ZNF423: variants seen among roughly 807,000 people sequenced by gnomAD.
ZNF423 encodes the protein zinc finger protein 423.
In ZNF423, 12 loss-of-function variants were observed where a neutral mutation model predicts 95.8. The ratio of observed to expected loss-of-function variants is 0.13; its 90% CI spans 0.08 to 0.20. The LOEUF is 0.20. ZNF423 is among the 10% of genes least tolerant of loss of function. ZNF423 has a pLI of 1.00. For synonymous variants in ZNF423, 749 were observed against 711.9 expected, an observed-to-expected ratio of 1.05 and a Z score of -0.83; for missense variants, 1,316 against 1,737.1, an observed-to-expected ratio of 0.76 and a Z score of 4.31.
intron 3 of ZNF423, 109 bp downstream of exon 3, chr16:49,730,662 T>C (rs1300656646): frequency 1.7e-6 from 2 of 1,189,976 alleles, no homozygotes; most frequent in Non-Finnish European, 2.4e-6. Flanking sequence ...TGACATTAAC[T>C]GTAAAATTAC....
intron 3 of ZNF423, among the ~76,000 whole-genome samples, chr16:49,725,748 A>G (rs1297022076): frequency 6.6e-6 from 1 of 152,162 alleles, no homozygotes; most frequent in Non-Finnish European, 1.5e-5. Context: ...GAATATCAGG[A>G]CTACAGCCTT....
chr16:49,622,537 T>C (rs1972118247), intron 5 of ZNF423, among the ~76,000 whole-genome samples: 1 of 152,108 alleles, frequency 6.6e-6, no homozygotes, highest in Admixed American at 6.5e-5. Flanking sequence ...GAAGGCAACG[T>C]CCCCCCTCTT....
At chr16:49,758,666 T>C (rs7206711) in intron 2 of ZNF423, among the ~76,000 whole-genome samples, 107,527 of 152,008 alleles carry the variant, frequency 0.71, 38,927 homozygotes, top group African/African-American at 0.86. Flanking sequence ...CGCTTGAGTC[T>C]AGGAGTTTGA....
chr16:49,676,395 C>T (rs2031050409), intron 3 of ZNF423, among the ~76,000 whole-genome samples: 1 of 152,208 alleles, frequency 6.6e-6, no homozygotes, highest in Non-Finnish European at 1.5e-5. Context: ...AAATCAGTCA[C>T]CTTTAATGGG....
At chr16:49,769,379 G>GAAAAAT (rs1048141775) in intron 2 of ZNF423, among the ~76,000 whole-genome samples, 2 of 150,394 alleles carry the variant, frequency 1.3e-5, no homozygotes, top group African/African-American at 4.9e-5. Context: ...AAAAAGAAAA[G>GAAAAAT]AAAAAGAAAG....
chr16:49,853,766 G>A (rs2035327260), intron 1 of ZNF423: 1 of 985,248 alleles, frequency 1.0e-6, no homozygotes, highest in Non-Finnish European at 1.2e-6. Flanking sequence ...TTAGAACTCG[G>A]TTCAAGCAAC....
chr16:49,496,969 A>G (rs761165833), intron 7 of ZNF423, among the ~76,000 whole-genome samples: 25 of 152,130 alleles, frequency 1.6e-4, no homozygotes, highest in Non-Finnish European at 3.7e-4. Flanking sequence ...AGGGCTGGCA[A>G]GGTCTTAAGA....
intron 6 of ZNF423, among the ~76,000 whole-genome samples, chr16:49,524,768 C>T (rs1361187565): frequency 2.0e-5 from 3 of 152,226 alleles, no homozygotes; most frequent in African/African-American, 4.8e-5. Context: ...GAAGGCCAGG[C>T]TCTCCCACGC....
Position 49,590,029 on chromosome 16 carries a change from A to AATATAT in ZNF423, c.3601+36135_3601+36140dup, listed in dbSNP as rs201361462. 7.6e-3 allele frequency among the ~76,000 whole-genome samples: 744 copies of AATATAT among 97,550 alleles called. 98 individuals carry two copies. In the East Asian group the frequency reaches 0.08, roughly 11 times the overall value. The allele number at this position is 97,550 out of a possible 152,430, so 64.0% of individuals were successfully genotyped here. A position where few individuals can be genotyped will look rare whatever the true frequency, so the allele number is the denominator to read the frequency against. Reference sequence around the variant, plus strand: ...GGGATGGGGTAAAGGGGAAGTGGCGAATATATATATATATATATATATTTG... The same window carrying AATATAT: ...GGGATGGGGTAAAGGGGAAGTGGCGAATATATATATATATATATATATATATATTTG... On this transcript the variant is annotated intron_variant, in intron 5 of 7. Coordinates refer to ENST00000563137, the MANE Select transcript of ZNF423 (RefSeq NM_001379286.1).
rs191224782 is a variant in ZNF423 at position 49,834,087 on chromosome 16, G to A, written c.40+21648C>T. Among the ~76,000 whole-genome samples the A allele has an allele frequency of 3.8e-4, 58 of 152,330 alleles. No homozygotes were observed. In the East Asian group the frequency reaches 6.2e-3, roughly 16 times the overall value. On this transcript the variant is annotated intron_variant, in intron 1 of 7. Coordinates refer to ENST00000563137, the MANE Select transcript of ZNF423 (RefSeq NM_001379286.1). ...ATCCCAAGTCCTCAGTGGGCTGGGCGGTTGTCCCTGAAGAGTTAACAGCCC... is the reference window on the plus strand; with the variant it reads ...ATCCCAAGTCCTCAGTGGGCTGGGCAGTTGTCCCTGAAGAGTTAACAGCCC...
At chr16:49,707,186 T>C (rs548882264) in intron 3 of ZNF423, among the ~76,000 whole-genome samples, 2 of 152,108 alleles carry the variant, frequency 1.3e-5, no homozygotes, top group Non-Finnish European at 2.9e-5. Context: ...CGACGCCCTG[T>C]GTCACCTCTG....
In ZNF423 at chr16:49,643,742, G is replaced by A. The variant is rs541437466; in HGVS notation, c.302-4868C>T. ...AAGTCATTTAAAAATGACTAATCCT[G>A]CAAAAAGGCCAAATAGGAAATGGGT... On this transcript the variant is annotated intron_variant, in intron 3 of 7. Transcript: ENST00000563137. Among the ~76,000 whole-genome samples the A allele has an allele frequency of 4.6e-5, 7 of 152,222 alleles. No individual in the cohort carries two copies. In the East Asian group the frequency reaches 1.4e-3, roughly 29 times the overall value.
chr16:49,742,869 G>C (rs1194042370), intron 2 of ZNF423, among the ~76,000 whole-genome samples: 1 of 152,182 alleles, frequency 6.6e-6, no homozygotes, highest in African/African-American at 2.4e-5. Context: ...ACCAGAACCA[G>C]TGGCCAGGCT....
At chr16:49,631,389 C>A (rs1451207909) in intron 4 of ZNF423, among the ~76,000 whole-genome samples, 2 of 152,078 alleles carry the variant, frequency 1.3e-5, no homozygotes, top group African/African-American at 4.8e-5. Flanking sequence ...CTCACCCCAA[C>A]ATCTATTCCT....
intron 3 of ZNF423, 137 bp from the exon 4 acceptor site, chr16:49,639,011 C>A: frequency 7.0e-7 from 1 of 1,437,544 alleles, no homozygotes; most frequent in Non-Finnish European, 9.1e-7. Context: ...TGGGGAGGGG[C>A]AGGGGCCGGA....
chr16:49,765,544 C>CCACA (rs59923016), intron 2 of ZNF423, among the ~76,000 whole-genome samples: 1,639 of 149,272 alleles, frequency 0.011, 22 homozygotes, highest in African/African-American at 0.024. Flanking sequence ...GACCTCATCT[C>CCACA]CACACACACA....
At position 49,635,722 on chromosome 16, in the gene ZNF423, G is replaced by C. The variant is rs774292686; in HGVS notation, c.3454C>G (p.Arg1152Gly). 2 of 1,610,326 alleles carry C rather than the reference G, an allele frequency of 1.2e-6. No homozygotes were observed. Among genetic ancestry groups the C allele is most frequent in the Non-Finnish European group, 1.7e-6 (2 of 1,178,946 alleles). The change falls in exon 4 of 8, where the codon CGT becomes GGT. Residue 1152 changes from arginine to glycine, a missense_variant. Arg to Gly is a moderately radical substitution (Grantham distance 125). Transcript: ENST00000563137. This position sits in a 1 kb window ranked among gnomAD's most constrained non-coding sequence, Gnocchi z 4.8. ...DLESHMQVDH[R>G]DLTPETSGPR... ...CCACTGGTCTCCGGCGTGAGGTCAC[G>C]GTGGTCCACCTGCATGTGGCTCTCC...
intron 7 of ZNF423, among the ~76,000 whole-genome samples, chr16:49,498,924 G>A (rs983283638): frequency 2.6e-5 from 4 of 152,130 alleles, no homozygotes; most frequent in South Asian, 2.1e-4. Context: ...CATAAACAGC[G>A]CCGAATGAAT....
chr16:49,522,001 A>G (rs1968417739), intron 7 of ZNF423, among the ~76,000 whole-genome samples: 1 of 152,256 alleles, frequency 6.6e-6, no homozygotes, highest in South Asian at 2.1e-4. Flanking sequence ...AACAGGCCAC[A>G]GCTGTGCCCC....
Sources: gnomAD v4.1 joint callset for allele counts (sites outside exome capture counted in the v4.1 genomes callset) on GRCh38, gnomAD v4.1.1 for gene constraint, Gnocchi (gnomAD v3.1) non-coding constraint, MANE v1.5 for transcripts, NCBI Gene and HGNC (gene_info 2026-07-23, HGNC 2026-07-21) for gene names.